Variants in ARHGEF28 observed in about 807,000 individuals in gnomAD.
ARHGEF28 encodes Rho guanine nucleotide exchange factor 28.
In ARHGEF28, 152 loss-of-function variants were observed where a neutral mutation model predicts 206.6. The ratio of observed to expected loss-of-function variants is 0.74; its 90% CI spans 0.64 to 0.84. The LOEUF (loss-of-function observed/expected upper bound fraction) is 0.84. Ranked by LOEUF, ARHGEF28 falls within the 40% of genes least tolerant of loss-of-function variation. The pLI, the probability that ARHGEF28 is intolerant of heterozygous loss-of-function variation, is 0.00. For synonymous variants in ARHGEF28, 763 were observed against 776.4 expected (o/e 0.98, Z 0.29); for missense variants, 2,028 against 2,073.2 (o/e 0.98, Z 0.42).
intron 14 of ARHGEF28, 43 bp from the exon 15 acceptor site, chr5:73,857,613 T>A (rs569220866): frequency 1.3e-6 from 2 of 1,543,936 alleles, no homozygotes; most frequent in African/African-American, 2.7e-5. Context: ...ATGCTATTCT[T>A]CCTAAGTCAT....
intron 2 of ARHGEF28, among the ~76,000 whole-genome samples, chr5:73,703,861 C>T (rs961281617): frequency 4.0e-5 from 6 of 151,816 alleles, no homozygotes; most frequent in African/African-American, 1.2e-4. Context: ...TATGGTGAAA[C>T]CCCGTCTCTA....
intron 2 of ARHGEF28, among the ~76,000 whole-genome samples, chr5:73,717,122 G>T (rs1232475594): frequency 6.6e-6 from 1 of 152,104 alleles, no homozygotes; most frequent in African/African-American, 2.4e-5. Context: ...TCCTTAGGTA[G>T]CTCAGGTTAA....
intron 10 of ARHGEF28, among the ~76,000 whole-genome samples, chr5:73,837,183 T>A (rs1440118462): frequency 6.6e-6 from 1 of 152,172 alleles, no homozygotes; most frequent in Non-Finnish European, 1.5e-5. Flanking sequence ...GGATTTTTTT[T>A]TCTATTTCTG....
intron 2 of ARHGEF28, among the ~76,000 whole-genome samples, chr5:73,738,933 T>G (rs922595723): frequency 6.6e-6 from 1 of 152,148 alleles, no homozygotes. Flanking sequence ...GTTGACAAAT[T>G]GTAGTCTTTA....
intron 4 of ARHGEF28, among the ~76,000 whole-genome samples, chr5:73,772,717 G>T (rs1422775096): frequency 6.6e-6 from 1 of 152,120 alleles, no homozygotes; most frequent in Non-Finnish European, 1.5e-5. Context: ...GGTGGGTGGG[G>T]CATGTTGGAC....
At chr5:73,765,322 G>C (rs1238760493) in intron 4 of ARHGEF28, among the ~76,000 whole-genome samples, 1 of 152,194 alleles carries the variant, frequency 6.6e-6, no homozygotes. Context: ...TCAGTAGAAA[G>C]TGTACTTCAA....
intron 5 of ARHGEF28, among the ~76,000 whole-genome samples, chr5:73,775,690 G>C (rs1007280472): frequency 1.3e-5 from 2 of 152,162 alleles, no homozygotes; most frequent in African/African-American, 4.8e-5. Flanking sequence ...AATCTGGTGG[G>C]ATGTGACATG....
At chr5:73,669,049 A>G (rs1377060629) in intron 1 of ARHGEF28, among the ~76,000 whole-genome samples, 1 of 152,112 alleles carries the variant, frequency 6.6e-6, no homozygotes, top group Non-Finnish European at 1.5e-5. Context: ...TGATTTAGCA[A>G]TTTCTTTGTA....
intron 9 of ARHGEF28, among the ~76,000 whole-genome samples, chr5:73,811,163 T>G (rs1755816334): frequency 6.6e-6 from 1 of 152,214 alleles, no homozygotes; most frequent in South Asian, 2.1e-4. Flanking sequence ...TATTTTGGTT[T>G]GGTGATTGTC....
At chr5:73,688,217 A>G (rs759272256) in intron 2 of ARHGEF28, among the ~76,000 whole-genome samples, 2 of 152,216 alleles carry the variant, frequency 1.3e-5, no homozygotes, top group Non-Finnish European at 2.9e-5. Flanking sequence ...CTCAAGGACA[A>G]TTAGATTACG....
In ARHGEF28 at chr5:73,885,431, T is replaced by C. The variant is rs900331055; in HGVS notation, c.3056-419T>C. Reference sequence around the variant, plus strand: ...CTTTCATAATAAAATATTTTAACATTTTTTTGGTGGGGGGGTGGTACAGAG... The same window carrying C: ...CTTTCATAATAAAATATTTTAACATCTTTTTGGTGGGGGGGTGGTACAGAG... On this transcript the variant is annotated intron_variant, in intron 24 of 35. Coordinates refer to ENST00000513042, the MANE Select transcript of ARHGEF28 (RefSeq NM_001177693.2). Among the ~76,000 whole-genome samples the C allele has an allele frequency of 2.6e-4, 39 of 151,984 alleles. 1 individual carries two copies. The highest frequency in any genetic ancestry group is 2.9e-5 in the Non-Finnish European group (2 of 67,998).
intron 1 of ARHGEF28, among the ~76,000 whole-genome samples, chr5:73,680,775 G>A (rs1747038171): frequency 6.6e-6 from 1 of 152,156 alleles, no homozygotes; most frequent in South Asian, 2.1e-4. Flanking sequence ...TAAGTGTACA[G>A]CAAACTTCTT....
chr5:73,666,692 C>A (rs1460628776), intron 1 of ARHGEF28, among the ~76,000 whole-genome samples: 1 of 152,174 alleles, frequency 6.6e-6, no homozygotes, highest in African/African-American at 2.4e-5. Context: ...TTGCAGCCAG[C>A]AGAGTGGCCA....
chr5:73,755,199 C>A (rs1313620671), intron 4 of ARHGEF28, among the ~76,000 whole-genome samples: 2 of 151,702 alleles, frequency 1.3e-5, no homozygotes, highest in African/African-American at 2.4e-5. Context: ...ATCTATGATA[C>A]ATATTGTCTA....
At chr5:73,797,055 C>T (rs191476113) in intron 9 of ARHGEF28, among the ~76,000 whole-genome samples, 378 of 152,288 alleles carry the variant, frequency 2.5e-3, no homozygotes, top group African/African-American at 8.2e-3. Flanking sequence ...GCATGTGCTA[C>T]GGAAATTGTA....
intron 26 of ARHGEF28, among the ~76,000 whole-genome samples, chr5:73,891,019 A>T (rs1761594698): frequency 1.3e-5 from 2 of 152,206 alleles, no homozygotes; most frequent in Non-Finnish European, 2.9e-5. Context: ...TACATGCCAA[A>T]TTTTAGACTT....
chr5:73,927,170 G>C (rs966758625), intron 35 of ARHGEF28, among the ~76,000 whole-genome samples: 1 of 151,670 alleles, frequency 6.6e-6, no homozygotes, highest in African/African-American at 2.4e-5. Flanking sequence ...AGACCAGCTT[G>C]GGCAACATAG....
At chr5:73,770,930 G>T (rs1481687557) in intron 4 of ARHGEF28, among the ~76,000 whole-genome samples, 1 of 152,176 alleles carries the variant, frequency 6.6e-6, no homozygotes, top group Non-Finnish European at 1.5e-5. Flanking sequence ...AGAGAAGAGG[G>T]AGCTGGATTA....
At chr5:73,840,405 G>A in intron 10 of ARHGEF28, 75 bp from the exon 11 acceptor site, 1 of 1,493,116 alleles carries the variant, frequency 6.7e-7, no homozygotes, top group Admixed American at 2.0e-5. Flanking sequence ...TTTAAATTGG[G>A]AAAATTTTAT....
Sources: gnomAD v4.1 joint callset for allele counts (sites outside exome capture counted in the v4.1 genomes callset) on GRCh38, gnomAD v4.1.1 for gene constraint, MANE v1.5 for transcripts, NCBI Gene and HGNC (gene_info 2026-07-23, HGNC 2026-07-21) for gene names.